STK24: variants seen among roughly 807,000 people sequenced by gnomAD.
STK24 encodes the protein serine/threonine-protein kinase 24.
Under a neutral mutation model 55.6 loss-of-function variants are expected in STK24, and 21 were observed. The ratio of observed to expected loss-of-function variants is 0.38; its 90% CI spans 0.27 to 0.54. The LOEUF (loss-of-function observed/expected upper bound fraction) is 0.54, where lower values mean the gene tolerates loss of function less well. STK24 is among the 20% of genes least tolerant of loss of function. The probability of loss-of-function intolerance (pLI) is 0.79; values close to 1 mark genes in which losing one functional copy is unlikely to be tolerated. For synonymous variants in STK24, 200 were observed against 215.2 expected (o/e 0.93, Z 0.62); for missense variants, 383 against 538.4 (o/e 0.71, Z 2.86).
At chr13:98,454,382 G>A (rs747483769) in intron 10 of STK24, 1 of 152,198 alleles carries the variant, frequency 6.6e-6, no homozygotes, top group African/African-American at 2.4e-5. Context: ...CAGGAGAGAT[G>A]GCTGAGGATG....
At chr13:98,519,529 C>T in intron 1 of STK24, 56 bp from the exon 2 acceptor site, 1 of 1,350,462 alleles carries the variant, frequency 7.4e-7, no homozygotes, top group Non-Finnish European at 1.1e-6. Flanking sequence ...CACCACAACT[C>T]CTTTGTCAAT....
rs571265177 is a variant in STK24 at position 98,565,221 on chromosome 13, C to G, written c.42+11524G>C. 3.3e-5 allele frequency among the ~76,000 whole-genome samples: 5 copies of G among 152,236 alleles called. No homozygotes were observed. The South Asian group carries it at 1.0e-3, about 32-fold the overall frequency. On this transcript the variant is annotated intron_variant, in intron 1 of 10. Coordinates refer to ENST00000539966, the MANE Select transcript of STK24 (RefSeq NM_001032296.4). Reference sequence around the variant, plus strand: ...AGGCGGCAATACACCAGGACACTTGCTCAGAACACAAACTCCCTCCGAGAC... The same window carrying G: ...AGGCGGCAATACACCAGGACACTTGGTCAGAACACAAACTCCCTCCGAGAC...
intron 1 of STK24, among the ~76,000 whole-genome samples, chr13:98,552,736 C>T (rs1202796640): frequency 1.3e-5 from 2 of 152,112 alleles, no homozygotes; most frequent in Non-Finnish European, 2.9e-5. Context: ...AGAGAAACTG[C>T]CTTCGGTCTA....
chr13:98,516,726 C>A (rs1361174418), intron 2 of STK24, among the ~76,000 whole-genome samples: 1 of 152,214 alleles, frequency 6.6e-6, no homozygotes, highest in Admixed American at 6.5e-5. Context: ...AAAAGGAACT[C>A]AGGTTCCTGA....
At chr13:98,553,574 GA>G in intron 1 of STK24, 1 of 163,840 alleles carries the variant, frequency 6.1e-6, no homozygotes. Flanking sequence ...AAAATTCAAA[GA>G]AAACATCCCG....
intron 1 of STK24, among the ~76,000 whole-genome samples, chr13:98,525,034 A>T (rs925596237): frequency 1.3e-5 from 2 of 152,248 alleles, no homozygotes; most frequent in Non-Finnish European, 2.9e-5. Context: ...CACTCAATAA[A>T]GCAGGGTTCC....
Position 98,475,364 on chromosome 13 carries a change from A to G in STK24, c.331-6T>C. 1.3e-6 allele frequency: 2 copies of G among 1,575,832 alleles called. No homozygotes were observed. Among genetic ancestry groups the G allele is most frequent in the African/African-American group, 1.4e-5 (1 of 72,918 alleles). On this transcript the variant is annotated splice_polypyrimidine_tract_variant and splice_region_variant and intron_variant, in intron 3 of 10. Transcript: ENST00000539966. ...TCTAATGGGCCAGGTTCTAACTAAGAAGAGAAAAAAATTCTTAAAGTTACT... is the reference window on the plus strand; with the variant it reads ...TCTAATGGGCCAGGTTCTAACTAAGGAGAGAAAAAAATTCTTAAAGTTACT...
chr13:98,505,637 C>A (rs1396538698), intron 2 of STK24, among the ~76,000 whole-genome samples: 1 of 152,182 alleles, frequency 6.6e-6, no homozygotes. Context: ...ACTTGAGTAC[C>A]TAATCTAGTG....
intron 1 of STK24, among the ~76,000 whole-genome samples, chr13:98,543,558 G>A (rs1019189803): frequency 6.6e-6 from 1 of 152,206 alleles, no homozygotes; most frequent in African/African-American, 2.4e-5. Context: ...TGAGGCCAGG[G>A]TGGGCGCGGA....
At position 98,474,822 on chromosome 13, in the gene STK24, T is replaced by A. The variant is rs780259578; in HGVS notation, c.596A>T (p.Lys199Met). The A allele has an allele frequency of 6.2e-7, 1 of 1,608,990 alleles. No homozygotes were observed. Residue 199 changes from lysine (K) to methionine (M), a missense_variant and splice_region_variant, in exon 5 of 11, where the codon AAG (lysine) becomes ATG (methionine). Transcript: ENST00000539966. ...EVIKQSAYDSKADIWSLGITA... is the reference protein window; with the variant it reads ...EVIKQSAYDSMADIWSLGITA... ...GCGCCGCCCTCACCCTCCCCTCACC[T>A]TCGAGTCATAGGCCGACTGTTTGAT...
chr13:98,569,877 A>T lies in STK24; in HGVS notation c.42+6868T>A, dbSNP rs1490671006. ...GAAAAAAAAAAAAACACAGGCAGAA[A>T]TTTTTTTTTTTTTTTTTGAGATGGA... is the stretch of plus-strand genomic sequence containing the variant. On this transcript the variant is annotated intron_variant, in intron 1 of 10. Coordinates refer to ENST00000539966, the MANE Select transcript of STK24 (RefSeq NM_001032296.4). Among the ~76,000 whole-genome samples, 33 of 138,048 alleles carry T rather than the reference A, an allele frequency of 2.4e-4. 1 individual carries two copies. The highest frequency in any genetic ancestry group is 3.4e-3 in the Middle Eastern group (1 of 298). The allele number at this position is 138,048 out of a possible 152,430, so 90.6% of individuals were successfully genotyped here. A position where few individuals can be genotyped will look rare whatever the true frequency, so the allele number is the denominator to read the frequency against.
chr13:98,519,600 G>T, intron 1 of STK24, 127 bp from the exon 2 acceptor site: 1 of 768,108 alleles, frequency 1.3e-6, no homozygotes, highest in South Asian at 1.7e-5. Context: ...TCTGTGTCCA[G>T]CATCAGGCTG....
At chr13:98,541,848 A>G (rs2139420906) in intron 1 of STK24, among the ~76,000 whole-genome samples, 1 of 152,346 alleles carries the variant, frequency 6.6e-6, no homozygotes, top group East Asian at 1.9e-4. Context: ...CCCGGGGGTT[A>G]GCAGGGTGTA....
intron 1 of STK24, among the ~76,000 whole-genome samples, chr13:98,531,607 A>T (rs1158796420): frequency 6.6e-6 from 1 of 152,168 alleles, no homozygotes; most frequent in East Asian, 1.9e-4. Flanking sequence ...CAAGCTCCTG[A>T]TTTTGACTTA....
intron 2 of STK24, among the ~76,000 whole-genome samples, chr13:98,513,621 T>C (rs1340770476): frequency 6.6e-6 from 1 of 152,172 alleles, no homozygotes; most frequent in East Asian, 1.9e-4. Flanking sequence ...TGCACAAGAG[T>C]TTCTCCATAT....
chr13:98,537,278 G>A (rs115720572), intron 1 of STK24, among the ~76,000 whole-genome samples: 4,873 of 152,290 alleles, frequency 0.032, 241 homozygotes, highest in African/African-American at 0.11. Context: ...ACCTGTCTTC[G>A]TGGGGCCTCT....
At chr13:98,506,165 A>T (rs1895672263) in intron 2 of STK24, among the ~76,000 whole-genome samples, 1 of 152,092 alleles carries the variant, frequency 6.6e-6, no homozygotes, top group African/African-American at 2.4e-5. Context: ...ACCAGTCACC[A>T]CTCCAGAAAC....
At chr13:98,542,380 AAACAAC>A (rs200407581) in intron 1 of STK24, among the ~76,000 whole-genome samples, 8 of 151,802 alleles carry the variant, frequency 5.3e-5, no homozygotes, top group East Asian at 3.8e-4. Flanking sequence ...TCCTATGCAC[AAACAAC>A]AACAACAACA....
intron 1 of STK24, among the ~76,000 whole-genome samples, chr13:98,554,197 GA>G (rs1897231529): frequency 6.6e-6 from 1 of 151,486 alleles, no homozygotes; most frequent in African/African-American, 2.4e-5. Context: ...TCCCTTTAAA[GA>G]AAAAAACTGA....
Sources: allele counts gnomAD v4.1 joint callset (sites outside exome capture counted in the v4.1 genomes callset), GRCh38; gene constraint gnomAD v4.1.1; transcripts MANE v1.5; gene names NCBI Gene and HGNC (gene_info 2026-07-23, HGNC 2026-07-21).